MARCHF1: variants seen among roughly 807,000 people sequenced by gnomAD.
MARCHF1 encodes the protein E3 ubiquitin-protein ligase MARCHF1.
MARCHF1 carries 40 observed loss-of-function variants against 54.2 expected under a neutral mutation model. The ratio of observed to expected loss-of-function variants is 0.74; its 90% confidence interval spans 0.57 to 0.96. The LOEUF is 0.96. MARCHF1 is among the 40% of genes least tolerant of loss of function. The pLI is 0.00. For missense variants in MARCHF1, 586 were observed against 656.5 expected, an observed-to-expected ratio of 0.89 and a Z score of 1.17; for synonymous variants, 236 against 236.3, an observed-to-expected ratio of 1.00 and a Z score of 0.01.
intron 3 of MARCHF1, among the ~76,000 whole-genome samples, chr4:163,946,573 T>C (rs1752030887): frequency 2.0e-5 from 3 of 152,192 alleles, no homozygotes; most frequent in African/African-American, 7.2e-5. Flanking sequence ...CATCTCCCAA[T>C]TTCTAATGAA....
At chr4:163,868,755 GA>G (rs1268705653) in intron 3 of MARCHF1, among the ~76,000 whole-genome samples, 1 of 151,104 alleles carries the variant, frequency 6.6e-6, no homozygotes, top group African/African-American at 2.4e-5. Context: ...GACAAAAGTT[GA>G]ACTGGTGATT....
chr4:163,917,734 G>C (rs1474215897), intron 3 of MARCHF1, among the ~76,000 whole-genome samples: 1 of 152,040 alleles, frequency 6.6e-6, no homozygotes, highest in Non-Finnish European at 1.5e-5. Flanking sequence ...TAGGTGTTAA[G>C]ACCCCAGCAT....
At position 163,612,276 on chromosome 4, in the gene MARCHF1, T is replaced by A. The variant is rs532395446; in HGVS notation, c.1005A>T (p.Val335=). ...TYDDGSDNLE[V]CRICHCEGDE... is the part of the protein sequence containing the mutation. ...CTTTCTCTACAGTGACTGACCTGCA[T>A]ACTTCTAAATTATCAGACCCATCGT... Residue 335 remains valine (V), a synonymous_variant, in exon 7 of 10, where the codon GTA becomes GTT. Transcript: ENST00000514618. 2 of 1,498,356 alleles carry A rather than the reference T, an allele frequency of 1.3e-6. No individual in the cohort carries two copies. Among genetic ancestry groups the A allele is most frequent in the East Asian group, 2.5e-5 (1 of 40,738 alleles). 92.8% of individuals were successfully genotyped at this position (1,498,356 alleles called of 1,614,324 possible). A position where few individuals can be genotyped will look rare whatever the true frequency, so the allele number is the denominator to read the frequency against.
intron 6 of MARCHF1, 71 bp from the exon 7 acceptor site, chr4:163,613,109 G>T: frequency 7.3e-7 from 1 of 1,367,134 alleles, no homozygotes; most frequent in Non-Finnish European, 9.6e-7. Context: ...CAGAGAGAGA[G>T]AATGATGAAA....
intron 7 of MARCHF1, among the ~76,000 whole-genome samples, chr4:163,609,683 T>C (rs543107449): frequency 1.3e-5 from 2 of 150,944 alleles, no homozygotes; most frequent in South Asian, 2.1e-4. Context: ...CACACATATA[T>C]ATATATTTTT....
At chr4:164,114,590 GTATTA>G (rs751900297) in intron 1 of MARCHF1, among the ~76,000 whole-genome samples, 39 of 151,380 alleles carry the variant, frequency 2.6e-4, no homozygotes, top group Non-Finnish European at 4.6e-4. Context: ...CAGTATATAA[GTATTA>G]TATTATATTA....
chr4:164,073,259 G>A (rs7695305), intron 2 of MARCHF1, among the ~76,000 whole-genome samples: 10,011 of 152,196 alleles, frequency 0.066, 1,012 homozygotes, highest in African/African-American at 0.22. Flanking sequence ...ATCCCCATCA[G>A]TGATAGACTG....
chr4:164,335,636 A>G (rs989922506), intron 1 of MARCHF1, among the ~76,000 whole-genome samples: 2 of 152,016 alleles, frequency 1.3e-5, no homozygotes, highest in Admixed American at 6.6e-5. Flanking sequence ...TTCAGCAACC[A>G]ACACCCTGAT....
chr4:164,032,700 G>A (rs556661052), intron 2 of MARCHF1, among the ~76,000 whole-genome samples: 7 of 152,250 alleles, frequency 4.6e-5, no homozygotes, highest in Admixed American at 2.0e-4. Context: ...CTAACAGACC[G>A]TTTTTAGGAT....
At chr4:163,946,910 G>T (rs189353035) in intron 3 of MARCHF1, among the ~76,000 whole-genome samples, 2 of 152,156 alleles carry the variant, frequency 1.3e-5, no homozygotes, top group East Asian at 3.9e-4. Flanking sequence ...TACACCATTA[G>T]AATACCCTAT....
At chr4:164,250,962 G>A (rs150157664) in intron 1 of MARCHF1, among the ~76,000 whole-genome samples, 3 of 151,952 alleles carry the variant, frequency 2.0e-5, no homozygotes, top group East Asian at 1.9e-4. Context: ...TTTCATTTGG[G>A]TCAGGCAGTA....
At chr4:163,619,805 T>A (rs1206600584) in intron 5 of MARCHF1, among the ~76,000 whole-genome samples, 3 of 152,052 alleles carry the variant, frequency 2.0e-5, no homozygotes. Context: ...GAGAAAAACA[T>A]AATTTATGTT....
At chr4:163,978,712 C>T (rs185054884) in intron 3 of MARCHF1, among the ~76,000 whole-genome samples, 8 of 151,702 alleles carry the variant, frequency 5.3e-5, no homozygotes, top group African/African-American at 1.9e-4. Flanking sequence ...GTATTTTTTA[C>T]TTCTCTTTTG....
intron 5 of MARCHF1, among the ~76,000 whole-genome samples, chr4:163,691,312 C>T (rs1242849684): frequency 6.6e-6 from 1 of 152,118 alleles, no homozygotes. Flanking sequence ...GAATCCTGCC[C>T]CATGTTAGTA....
At position 163,871,122 on chromosome 4, in the gene MARCHF1, CAAAT is replaced by C. The variant is rs1363991981; in HGVS notation, c.-38-16957_-38-16954del. The stretch of plus-strand genomic sequence containing the variant: ...ATTAATATGTACAATCATTATGTGT[CAAAT>C]AAAAATATTAATAAAAGCAAAACTA... On this transcript the variant is annotated intron_variant, in intron 3 of 9. Transcript: ENST00000514618. 2.6e-5 allele frequency among the ~76,000 whole-genome samples: 4 copies of C among 151,960 alleles called. No homozygotes were observed. In the East Asian group the frequency reaches 5.8e-4, roughly 22 times the overall value.
At chr4:163,721,818 G>A (rs1015621726) in intron 4 of MARCHF1, among the ~76,000 whole-genome samples, 6 of 152,146 alleles carry the variant, frequency 3.9e-5, no homozygotes, top group African/African-American at 1.4e-4. Flanking sequence ...TGCTTGCGTA[G>A]AGGTGTTTGT....
chr4:163,834,938 T>C (rs965087098), intron 4 of MARCHF1, among the ~76,000 whole-genome samples: 1 of 152,076 alleles, frequency 6.6e-6, no homozygotes, highest in Non-Finnish European at 1.5e-5. Flanking sequence ...CTGGAGTGCA[T>C]TGGTGTGATT....
At chr4:164,245,367 G>T (rs563282344) in intron 1 of MARCHF1, among the ~76,000 whole-genome samples, 1 of 152,312 alleles carries the variant, frequency 6.6e-6, no homozygotes, top group African/African-American at 2.4e-5. Flanking sequence ...TATCTCAATA[G>T]ATGCAGAAAA....
intron 1 of MARCHF1, among the ~76,000 whole-genome samples, chr4:164,196,705 GAATA>G (rs1560948820): frequency 1.3e-5 from 2 of 152,092 alleles, no homozygotes; most frequent in African/African-American, 2.4e-5. Flanking sequence ...AAGAGAGAGA[GAATA>G]ATTAATAGTA....
Sources: allele counts gnomAD v4.1 joint callset (sites outside exome capture counted in the v4.1 genomes callset), GRCh38; gene constraint gnomAD v4.1.1; transcripts MANE v1.5; gene names NCBI Gene and HGNC (gene_info 2026-07-23, HGNC 2026-07-21).